Variants in CEP295NL observed in about 807,000 individuals in gnomAD.
The protein encoded by CEP295NL is CEP295 N-terminal like.
Under a neutral mutation model 4.6 loss-of-function variants are expected in CEP295NL, and 3 were observed. That is an observed-to-expected ratio of 0.65 (90% CI 0.30 to 1.69). CEP295NL has a LOEUF of 1.69. Ranked by LOEUF, CEP295NL falls within the 40% of genes most tolerant of loss-of-function variation. The pLI, the probability that CEP295NL is intolerant of heterozygous loss-of-function variation, is 0.10. For missense variants in CEP295NL, 719 were observed against 769.0 expected (o/e 0.93, Z 0.77); for synonymous variants, 295 against 312.2 (o/e 0.94, Z 0.58).
chr17:78,902,300 G>A (rs1433551639), intron 1 of CEP295NL, among the ~76,000 whole-genome samples: 4 of 152,224 alleles, frequency 2.6e-5, no homozygotes, highest in Non-Finnish European at 4.4e-5. Context: ...TAGAGACGGG[G>A]ATTCACCATA....
rs1419490251 is a variant in CEP295NL at position 78,891,179 on chromosome 17, G to A, written c.1325C>T (p.Thr442Met). The A allele has an allele frequency of 5.8e-6, 9 of 1,550,562 alleles. No individual in the cohort carries two copies. Among genetic ancestry groups the A allele is most frequent in the East Asian group, 2.4e-5 (1 of 40,932 alleles). ...CAATGTTTGACTTCCATTTCTAAACGTGGGCTTGACCGTGCCCTGATATTT... is the reference window on the plus strand; with the variant it reads ...CAATGTTTGACTTCCATTTCTAAACATGGGCTTGACCGTGCCCTGATATTT... ...NQKYQGTVKP[T>M]FRNGSQTLSP... The change falls in exon 3 of 3, where the codon ACG (threonine) becomes ATG (methionine). Residue 442 changes from threonine (T) to methionine (M), a missense_variant. Transcript: ENST00000322630. The surrounding 1 kb of genome is among the most constrained non-coding windows in gnomAD (Gnocchi z 4.5).
At chr17:78,899,810 C>T (rs77151699) in intron 2 of CEP295NL, 11,186 of 152,320 alleles carry the variant, frequency 0.073, 469 homozygotes, top group Middle Eastern at 0.12. Flanking sequence ...CCAGGATGCC[C>T]CAACCCTCCA....
chr17:78,894,195 C>T (rs1421934395), intron 2 of CEP295NL, among the ~76,000 whole-genome samples: 1 of 151,614 alleles, frequency 6.6e-6, no homozygotes, highest in Non-Finnish European at 1.5e-5. Flanking sequence ...AAGCTCCTAC[C>T]CCCCCCGGTT....
At chr17:78,895,803 T>G (rs1359248056) in intron 2 of CEP295NL, among the ~76,000 whole-genome samples, 1 of 152,074 alleles carries the variant, frequency 6.6e-6, no homozygotes, top group Admixed American at 6.6e-5. Flanking sequence ...TGAATGCCCC[T>G]CTGTGTGTCT....
chr17:78,892,408 G>C lies in CEP295NL; in HGVS notation c.96C>G (p.Pro32=). Residue 32 remains proline, a synonymous_variant, in exon 3 of 3, where the codon CCC becomes CCG. Transcript: ENST00000322630. ...GFCGSSGPGA[P]LEPSTLGSKH... ...TGGAGCCAAGAGTGGAGGGTTCAAG[G>C]GGCGCCCCCGGGCCTGAGGAGCCAC... 1 of 1,550,536 alleles carries C rather than the reference G, an allele frequency of 6.4e-7. No individual in the cohort carries two copies. Among genetic ancestry groups the C allele is most frequent in the Non-Finnish European group, 8.7e-7 (1 of 1,146,972 alleles).
In CEP295NL at chr17:78,891,602, A is replaced by G. The variant is rs762557126; in HGVS notation, c.902T>C (p.Leu301Pro). The G allele has an allele frequency of 6.4e-6, 10 of 1,550,782 alleles. No individual in the cohort carries two copies. Among genetic ancestry groups the G allele is most frequent in the Non-Finnish European group, 8.7e-6 (10 of 1,147,076 alleles). ...CCCGAGGTCTCTCAGCTTCCCCTCCAGACTCTGTCCCTGAGAGCGACTGGT... is the reference window on the plus strand; with the variant it reads ...CCCGAGGTCTCTCAGCTTCCCCTCCGGACTCTGTCCCTGAGAGCGACTGGT... ...ALTSRSQGQS[L>P]EGKLRDLGQL... Residue 301 changes from leucine (L) to proline (P), a missense_variant, in exon 3 of 3, where the codon CTG becomes CCG. Coordinates refer to ENST00000322630, the MANE Select transcript of CEP295NL (RefSeq NM_001243540.2). This position sits in a 1 kb window ranked among gnomAD's most constrained non-coding sequence, Gnocchi z 4.5.
intron 2 of CEP295NL, among the ~76,000 whole-genome samples, chr17:78,894,917 A>G (rs1377133957): frequency 6.6e-6 from 1 of 152,206 alleles, no homozygotes; most frequent in African/African-American, 2.4e-5. Context: ...TATCCAACAG[A>G]AGACTTGAAT....
At position 78,896,127 on chromosome 17, in the gene CEP295NL, C is replaced by G. The variant is rs892251252; in HGVS notation, c.45-3668G>C. Among the ~76,000 whole-genome samples the G allele has an allele frequency of 1.3e-5, 2 of 152,264 alleles. No individual in the cohort carries two copies. Among genetic ancestry groups the G allele is most frequent in the African/African-American group, 4.8e-5 (2 of 41,474 alleles). On this transcript the variant is annotated intron_variant, in intron 2 of 2. Transcript: ENST00000322630. This position sits in a 1 kb window ranked among gnomAD's most constrained non-coding sequence, Gnocchi z 4.4. ...CTTCAGGAATCGATCCCCGCTCTGA[C>G]ACCATCAGATGCAACCTCGTCCCCG...
At position 78,891,955 on chromosome 17, in the gene CEP295NL, C is replaced by G. The variant is rs1008258771; in HGVS notation, c.549G>C (p.Glu183Asp). 1.3e-6 allele frequency: 2 copies of G among 1,550,486 alleles called. No homozygotes were observed. The highest frequency in any genetic ancestry group is 2.7e-5 in the African/African-American group (2 of 73,040). Reference sequence around the variant, plus strand: ...AGTGCCTGGGGTGTTGCTGGCCCAACTCTTCCCTGCAACTCCTCTCTTCAC... The same window carrying G: ...AGTGCCTGGGGTGTTGCTGGCCCAAGTCTTCCCTGCAACTCCTCTCTTCAC... The part of the protein sequence containing the change: ...ALSEERSCRE[E>D]LGQQHPRHSR... The change falls in exon 3 of 3, where the codon GAG (glutamate) becomes GAC (aspartate). Residue 183 changes from glutamate (E) to aspartate (D), a missense_variant. Coordinates refer to ENST00000322630, the MANE Select transcript of CEP295NL (RefSeq NM_001243540.2). The surrounding 1 kb of genome is among the most constrained non-coding windows in gnomAD (Gnocchi z 4.5).
In CEP295NL at chr17:78,891,680, C is replaced by G. The variant is rs547135189; in HGVS notation, c.824G>C (p.Arg275Pro). The G allele has an allele frequency of 6.4e-7, 1 of 1,551,108 alleles. No individual in the cohort carries two copies. Among genetic ancestry groups the G allele is most frequent in the Non-Finnish European group, 8.7e-7 (1 of 1,147,118 alleles). Reference sequence around the variant, plus strand: ...CTTTCCCAGTTGCCTCCTCCCCGCCCGAGCTGTTCCTTTCTCTTTTTCCTC... The same window carrying G: ...CTTTCCCAGTTGCCTCCTCCCCGCCGGAGCTGTTCCTTTCTCTTTTTCCTC... ...LVEEKEKGTA[R>P]AGRRQLGKGA... Residue 275 changes from arginine (R) to proline (P), a missense_variant, in exon 3 of 3, where the codon CGG (arginine) becomes CCG (proline). By Grantham distance (103) the Arg-to-Pro change is moderately radical. Coordinates refer to ENST00000322630, the MANE Select transcript of CEP295NL (RefSeq NM_001243540.2). This position sits in a 1 kb window ranked among gnomAD's most constrained non-coding sequence, Gnocchi z 4.5.
At chr17:78,897,545 C>G (rs1054411861) in intron 2 of CEP295NL, 3 of 152,234 alleles carry the variant, frequency 2.0e-5, no homozygotes, top group Admixed American at 2.0e-4. Context: ...GGTGAATCCA[C>G]CCACAGTGGG....
In CEP295NL at chr17:78,891,296, G is replaced by A. The variant is rs1246323933; in HGVS notation, c.1208C>T (p.Ala403Val). ...CTCTGCTGGGCTCCTGGGTTCCCCG[G>A]CAGGCAGCATCTCTGGGTCTGCCAT... is the stretch of plus-strand genomic sequence containing the variant. ...KKMADPEMLP[A>V]GEPRSPAEEE... Residue 403 changes from alanine (A) to valine (V), a missense_variant, in exon 3 of 3, where the codon GCC becomes GTC. Physicochemically the swap from Ala to Val is moderately conservative, Grantham distance 64. Transcript: ENST00000322630. The surrounding 1 kb of genome is among the most constrained non-coding windows in gnomAD (Gnocchi z 4.5). 3.9e-6 allele frequency: 6 copies of A among 1,550,418 alleles called. No individual in the cohort carries two copies. The African/African-American group carries it at 6.8e-5, about 18-fold the overall frequency.
intron 2 of CEP295NL, chr17:78,897,005 C>T (rs1382941376): frequency 1.3e-5 from 13 of 985,216 alleles, no homozygotes; most frequent in African/African-American, 3.5e-5. Flanking sequence ...TTTCCCTGGG[C>T]GGCCGCTCAG....
At chr17:78,901,980 C>T (rs2070100090) in intron 1 of CEP295NL, 54 bp from the exon 2 acceptor site, 2 of 591,298 alleles carry the variant, frequency 3.4e-6, no homozygotes, top group Non-Finnish European at 6.1e-6. Flanking sequence ...ACATTTTTAA[C>T]TCCGTTTCTC....
intron 2 of CEP295NL, among the ~76,000 whole-genome samples, chr17:78,895,442 A>G (rs1173784877): frequency 6.6e-6 from 1 of 152,006 alleles, no homozygotes; most frequent in Non-Finnish European, 1.5e-5. Context: ...CCTCACATCC[A>G]CTCCAACGGC....
rs1460343370 is a variant in CEP295NL, at chr17:78,896,186, C to G, written c.45-3727G>C. On this transcript the variant is annotated intron_variant, in intron 2 of 2. Transcript: ENST00000322630. The surrounding 1 kb of genome is among the most constrained non-coding windows in gnomAD (Gnocchi z 4.4). The stretch of plus-strand genomic sequence containing the variant: ...GCTCTCCTTGCTCTCCCCTCTGAGA[C>G]CCTCCCCACTTACTAACTTGAGGCA... 6.6e-6 allele frequency among the ~76,000 whole-genome samples: 1 copy of G among 152,214 alleles called. No homozygotes were observed. Among genetic ancestry groups the G allele is most frequent in the East Asian group, 1.9e-4 (1 of 5,196 alleles).
chr17:78,894,389 G>A (rs1449314046), intron 2 of CEP295NL, among the ~76,000 whole-genome samples: 1 of 151,806 alleles, frequency 6.6e-6, no homozygotes, highest in Non-Finnish European at 1.5e-5. Flanking sequence ...TGCACCTCTT[G>A]GTAAATCAGA....
At chr17:78,898,343 G>GC (rs2070035987) in intron 2 of CEP295NL, 1 of 152,248 alleles carries the variant, frequency 6.6e-6, no homozygotes, top group South Asian at 2.1e-4. Context: ...GAGCAGGCAG[G>GC]CCCCTGATCC....
rs952458245 is a variant in CEP295NL at position 78,891,263 on chromosome 17, G to A, written c.1241C>T (p.Ala414Val). 1.9e-5 allele frequency: 29 copies of A among 1,550,442 alleles called. No individual in the cohort carries two copies. Among genetic ancestry groups the A allele is most frequent in the African/African-American group, 2.7e-5 (2 of 73,012 alleles). The part of the protein sequence containing the change: ...GEPRSPAEEE[A>V]QQAASKTDLK... ...GTCGGTCTTGGACGCTGCCTGCTGC[G>A]CCTCCTCCTCTGCTGGGCTCCTGGG... is the stretch of plus-strand genomic sequence containing the variant. Residue 414 changes from alanine (A) to valine (V), a missense_variant, in exon 3 of 3, where the codon GCG becomes GTG. Transcript: ENST00000322630. This position sits in a 1 kb window ranked among gnomAD's most constrained non-coding sequence, Gnocchi z 4.5.
Sources: gnomAD v4.1 joint callset for allele counts (sites outside exome capture counted in the v4.1 genomes callset) on GRCh38, gnomAD v4.1.1 for gene constraint, Gnocchi (gnomAD v3.1) non-coding constraint, MANE v1.5 for transcripts, NCBI Gene and HGNC (gene_info 2026-07-23, HGNC 2026-07-21) for gene names.